Variants in TACR3 observed in about 807,000 individuals in gnomAD.
TACR3 encodes the protein neuromedin-K receptor.
TACR3 carries 34 observed loss-of-function variants against 35.0 expected under a neutral mutation model. The ratio of observed to expected loss-of-function variants is 0.97; its 90% confidence interval spans 0.74 to 1.30. TACR3 has a LOEUF of 1.30. TACR3 is among the 50% of genes most tolerant of loss of function. The probability of loss-of-function intolerance (pLI) is 0.00; values close to 1 mark genes in which losing one functional copy is unlikely to be tolerated. For missense variants in TACR3, 558 were observed against 591.7 expected, an observed-to-expected ratio of 0.94 and a Z score of 0.59; for synonymous variants, 233 against 221.1, an observed-to-expected ratio of 1.05 and a Z score of -0.48.
intron 1 of TACR3, among the ~76,000 whole-genome samples, chr4:103,711,624 A>G (rs1200616454): frequency 3.3e-5 from 5 of 152,222 alleles, no homozygotes; most frequent in Admixed American, 6.5e-5. Flanking sequence ...ATTCAACATA[A>G]TGTTGGAAGT....
intron 1 of TACR3, among the ~76,000 whole-genome samples, chr4:103,669,241 C>T (rs1351275071): frequency 6.6e-6 from 1 of 152,116 alleles, no homozygotes; most frequent in South Asian, 2.1e-4. Context: ...TAATATACCA[C>T]ATTTTCTCTT....
intron 1 of TACR3, among the ~76,000 whole-genome samples, chr4:103,663,199 G>T (rs989265012): frequency 6.6e-6 from 1 of 152,044 alleles, no homozygotes; most frequent in African/African-American, 2.4e-5. Context: ...AAGAGGAAAA[G>T]AATGGAAGCA....
At chr4:103,654,272 C>T (rs570119746) in intron 3 of TACR3, among the ~76,000 whole-genome samples, 1 of 151,436 alleles carries the variant, frequency 6.6e-6, no homozygotes, top group East Asian at 1.9e-4. Context: ...GCACTATTCA[C>T]AATAGCAAAG....
chr4:103,604,920 A>G (rs1407634480), intron 3 of TACR3, among the ~76,000 whole-genome samples: 2 of 150,070 alleles, frequency 1.3e-5, no homozygotes, highest in East Asian at 2.0e-4. Flanking sequence ...ATGCTGGTGC[A>G]CTGCACCCAC....
chr4:103,606,697 C>T (rs1272420007), intron 3 of TACR3, among the ~76,000 whole-genome samples: 1 of 151,994 alleles, frequency 6.6e-6, no homozygotes, highest in East Asian at 1.9e-4. Flanking sequence ...GCTGAAGTTG[C>T]TTATCAGCTT....
rs200604292 is a variant in TACR3 at position 103,656,304 on chromosome 4, A to T, written c.778T>A (p.Leu260Met). The T allele has an allele frequency of 6.2e-7, 1 of 1,612,872 alleles. No individual in the cohort carries two copies. The highest frequency in any genetic ancestry group is 2.2e-5 in the East Asian group (1 of 44,786). ...GTGTATGTAATACCCATGATGAGCA[A>T]TGGGAAACAGTACACCAGTATAATG... ...IVIILVYCFP[L>M]LIMGITYTIV... is the part of the protein sequence containing the mutation. Residue 260 changes from leucine to methionine, a missense_variant, in exon 3 of 5, where the codon TTG becomes ATG. By Grantham distance (15) the Leu-to-Met change is conservative. Transcript: ENST00000304883.
intron 3 of TACR3, among the ~76,000 whole-genome samples, chr4:103,639,353 A>G (rs965959282): frequency 4.6e-5 from 7 of 152,024 alleles, no homozygotes; most frequent in African/African-American, 1.7e-4. Flanking sequence ...AAAAAACCAA[A>G]CACTGCATGT....
rs577522785 is a variant in TACR3, at chr4:103,700,421, A to G, written c.548+18707T>C. ...ACTTGGGCAGGTGTGAAGGAGAAAC[A>G]TCTTATAGATGATAATACAAGCTCA... On this transcript the variant is annotated intron_variant, in intron 1 of 4. Transcript: ENST00000304883. 2.6e-5 allele frequency among the ~76,000 whole-genome samples: 4 copies of G among 152,280 alleles called. No homozygotes were observed. The East Asian group carries it at 7.7e-4, about 29-fold the overall frequency.
intron 3 of TACR3, among the ~76,000 whole-genome samples, chr4:103,639,546 C>T (rs1157076244): frequency 6.6e-6 from 1 of 151,872 alleles, no homozygotes; most frequent in Non-Finnish European, 1.5e-5. Context: ...ACATATGTAA[C>T]AAACCTGCAC....
In TACR3 at chr4:103,719,931, C is replaced by G. The variant is rs1723178517; in HGVS notation, c.-256G>C. ...AGATCCTCCCGAGATTAAGGGTTAT[C>G]GAGTCACATCACACGTAGGGAGGGT... is the stretch of plus-strand genomic sequence containing the variant. On this transcript the variant is annotated 5_prime_UTR_variant, in exon 1 of 5. Coordinates refer to ENST00000304883, the MANE Select transcript of TACR3 (RefSeq NM_001059.3). 6.9e-6 allele frequency: 4 copies of G among 580,714 alleles called. No homozygotes were observed. The highest frequency in any genetic ancestry group is 1.2e-5 in the Non-Finnish European group (4 of 325,504). 36.0% of individuals were successfully genotyped at this position (580,714 alleles called of 1,614,324 possible). A position where few individuals can be genotyped will look rare whatever the true frequency, so the allele number is the denominator to read the frequency against.
chr4:103,597,853 T>G (rs1724075265), intron 3 of TACR3, among the ~76,000 whole-genome samples: 1 of 152,202 alleles, frequency 6.6e-6, no homozygotes, highest in Non-Finnish European at 1.5e-5. Context: ...AGTCTATTGT[T>G]TTTGGACATT....
At chr4:103,680,514 T>C (rs559103346) in intron 1 of TACR3, among the ~76,000 whole-genome samples, 428 of 147,534 alleles carry the variant, frequency 2.9e-3, no homozygotes, top group Non-Finnish European at 5.1e-3. Context: ...CACACACACA[T>C]ATATATATAC....
chr4:103,601,216 C>CT (rs1377762358), intron 3 of TACR3, among the ~76,000 whole-genome samples: 10 of 151,770 alleles, frequency 6.6e-5, no homozygotes, highest in Admixed American at 3.3e-4. Flanking sequence ...ATGTAATGGC[C>CT]TTTTTTTGTT....
intron 1 of TACR3, among the ~76,000 whole-genome samples, chr4:103,677,669 C>A (rs1009820754): frequency 6.6e-6 from 1 of 152,012 alleles, no homozygotes; most frequent in Non-Finnish European, 1.5e-5. Context: ...AACACTTGGA[C>A]ACATAAGGGA....
intron 1 of TACR3, among the ~76,000 whole-genome samples, chr4:103,699,215 TAGTC>T (rs778071724): frequency 6.6e-6 from 1 of 152,278 alleles, no homozygotes; most frequent in South Asian, 2.1e-4. Flanking sequence ...TTTTATATAA[TAGTC>T]AGGGTCCAGA....
intron 3 of TACR3, among the ~76,000 whole-genome samples, chr4:103,655,962 A>G (rs1296967346): frequency 6.6e-6 from 1 of 152,090 alleles, no homozygotes; most frequent in Admixed American, 6.6e-5. Flanking sequence ...ACAAAAGGCA[A>G]TTTTTAAGAA....
chr4:103,627,713 C>G (rs1267133212), intron 3 of TACR3, among the ~76,000 whole-genome samples: 1 of 150,456 alleles, frequency 6.6e-6, no homozygotes. Flanking sequence ...TAACACCCCA[C>G]TGTCAATATT....
chr4:103,609,548 T>A (rs540428234), intron 3 of TACR3, among the ~76,000 whole-genome samples: 6 of 152,260 alleles, frequency 3.9e-5, no homozygotes, highest in Admixed American at 1.3e-4. Flanking sequence ...TATAATGAAA[T>A]GATCAAATCA....
chr4:103,609,741 A>G (rs958853409), intron 3 of TACR3, among the ~76,000 whole-genome samples: 2 of 151,662 alleles, frequency 1.3e-5, no homozygotes, highest in African/African-American at 4.8e-5. Context: ...CTGGTGACCA[A>G]CCTCTCCCCA....
Sources: gnomAD v4.1 joint callset for allele counts (sites outside exome capture counted in the v4.1 genomes callset) on GRCh38, gnomAD v4.1.1 for gene constraint, MANE v1.5 for transcripts, NCBI Gene and HGNC (gene_info 2026-07-23, HGNC 2026-07-21) for gene names.